SHISA6: variants seen among roughly 807,000 people sequenced by gnomAD.
SHISA6 encodes the protein protein shisa-6.
Under a neutral mutation model 47.9 loss-of-function variants are expected in SHISA6, and 22 were observed. The observed-to-expected ratio is 0.46, with a 90% confidence interval of 0.33 to 0.66. The LOEUF is 0.66. SHISA6 is among the 30% of genes least tolerant of loss of function. SHISA6 has a pLI of 0.02. For missense variants in SHISA6, 680 were observed against 764.6 expected (o/e 0.89, Z 1.30); for synonymous variants, 388 against 337.8 (o/e 1.15, Z -1.63).
At chr17:11,448,278 C>T (rs373844366) in intron 3 of SHISA6, among the ~76,000 whole-genome samples, 2 of 152,056 alleles carry the variant, frequency 1.3e-5, no homozygotes, top group African/African-American at 4.8e-5. Context: ...AGTCTGTAAT[C>T]CCAGAACTTT....
intron 3 of SHISA6, among the ~76,000 whole-genome samples, chr17:11,546,862 A>G (rs748240578): frequency 6.6e-6 from 1 of 151,994 alleles, no homozygotes; most frequent in Non-Finnish European, 1.5e-5. Context: ...CAGAGGTTGC[A>G]GTGAGCCAAG....
At chr17:11,387,743 G>C (rs1913243908) in intron 3 of SHISA6, among the ~76,000 whole-genome samples, 1 of 152,142 alleles carries the variant, frequency 6.6e-6, no homozygotes, top group African/African-American at 2.4e-5. Flanking sequence ...TAACGTGGGA[G>C]GCTGAACAAA....
At chr17:11,308,872 C>CG (rs1353685381) in intron 2 of SHISA6, among the ~76,000 whole-genome samples, 14 of 152,170 alleles carry the variant, frequency 9.2e-5, no homozygotes, top group Admixed American at 3.3e-4. Flanking sequence ...CAAATTAGTT[C>CG]GGTAAACCTG....
At chr17:11,518,880 C>T (rs1023702774) in intron 3 of SHISA6, among the ~76,000 whole-genome samples, 3 of 152,168 alleles carry the variant, frequency 2.0e-5, no homozygotes, top group African/African-American at 7.2e-5. Context: ...CTTTCAACTC[C>T]CAGCTGATGA....
intron 3 of SHISA6, among the ~76,000 whole-genome samples, chr17:11,483,356 A>G (rs1916268504): frequency 1.3e-5 from 2 of 152,148 alleles, no homozygotes; most frequent in Non-Finnish European, 2.9e-5. Flanking sequence ...TAATACAGAC[A>G]TAAGGACAAA....
intron 3 of SHISA6, among the ~76,000 whole-genome samples, chr17:11,449,259 C>T (rs774373844): frequency 1.3e-5 from 2 of 151,774 alleles, no homozygotes; most frequent in African/African-American, 4.8e-5. Flanking sequence ...CTGGGCAACA[C>T]GGTGAAACCT....
chr17:11,540,973 G>A (rs1286623133), intron 3 of SHISA6, among the ~76,000 whole-genome samples: 1 of 152,214 alleles, frequency 6.6e-6, no homozygotes, highest in Non-Finnish European at 1.5e-5. Flanking sequence ...TTCAGACAAT[G>A]ACGCATAATG....
chr17:11,380,912 C>A (rs1312338693), intron 3 of SHISA6, among the ~76,000 whole-genome samples: 1 of 152,188 alleles, frequency 6.6e-6, no homozygotes, highest in East Asian at 1.9e-4. Flanking sequence ...AGTGTCTTCA[C>A]TGCATGGTGC....
intron 3 of SHISA6, among the ~76,000 whole-genome samples, chr17:11,397,692 C>T (rs1259093266): frequency 4.7e-5 from 7 of 150,158 alleles, no homozygotes; most frequent in East Asian, 1.9e-4. Flanking sequence ...TTTTTTGAGA[C>T]GTCTGATGAC....
intron 2 of SHISA6, among the ~76,000 whole-genome samples, chr17:11,338,550 C>T (rs535455463): frequency 7.2e-5 from 11 of 151,956 alleles, no homozygotes; most frequent in Middle Eastern, 3.4e-3. Flanking sequence ...TACAGGCATG[C>T]GCCACCACAC....
At chr17:11,266,888 G>T (rs529021859) in intron 2 of SHISA6, among the ~76,000 whole-genome samples, 6 of 152,272 alleles carry the variant, frequency 3.9e-5, no homozygotes, top group Admixed American at 2.0e-4. Context: ...GCTTGGTCAG[G>T]GTTTTGGACA....
At chr17:11,511,850 T>C (rs17701028) in intron 3 of SHISA6, among the ~76,000 whole-genome samples, 9,204 of 152,208 alleles carry the variant, frequency 0.06, 304 homozygotes, top group Middle Eastern at 0.099. Flanking sequence ...GTCAGACACA[T>C]CTGACACATG....
chr17:11,268,295 T>C (rs1411316251), intron 2 of SHISA6, among the ~76,000 whole-genome samples: 1 of 152,082 alleles, frequency 6.6e-6, no homozygotes, highest in East Asian at 1.9e-4. Flanking sequence ...CTCTCTAAGC[T>C]TCATGGAGAC....
chr17:11,400,050 C>T (rs1351624831), intron 3 of SHISA6, among the ~76,000 whole-genome samples: 1 of 152,124 alleles, frequency 6.6e-6, no homozygotes, highest in Non-Finnish European at 1.5e-5. Context: ...ATCTTCTTTT[C>T]TACAGAGTTT....
rs59932718 is a variant in SHISA6, at chr17:11,550,937, T to TAAGGCCAAAGGCAGGAAAG, written c.896-953_896-935dup. Among the ~76,000 whole-genome samples, 650 of 152,220 alleles carry TAAGGCCAAAGGCAGGAAAG rather than the reference T, an allele frequency of 4.3e-3. 3 individuals carry two copies. The highest frequency in any genetic ancestry group is 0.015 in the African/African-American group (617 of 41,524). ...AGCTATGGAATGAGTAGCCAGAGTA[T>TAAGGCCAAAGGCAGGAAAG]AAGGCCAAAGGCAGGAAAGAAGGCT... On this transcript the variant is annotated intron_variant, in intron 3 of 5. Coordinates refer to ENST00000441885, the MANE Select transcript of SHISA6 (RefSeq NM_207386.4).
intron 3 of SHISA6, among the ~76,000 whole-genome samples, chr17:11,431,785 G>A (rs550190884): frequency 3.9e-5 from 6 of 152,158 alleles, no homozygotes; most frequent in Non-Finnish European, 7.4e-5. Flanking sequence ...GGTATTCTAA[G>A]TTAAAAACAC....
At chr17:11,443,204 C>T (rs372844199) in intron 3 of SHISA6, among the ~76,000 whole-genome samples, 3 of 152,038 alleles carry the variant, frequency 2.0e-5, no homozygotes, top group East Asian at 3.9e-4. Flanking sequence ...CTTTTTTTCT[C>T]GCAGCTGCCT....
chr17:11,416,457 T>C (rs1914285021), intron 3 of SHISA6, among the ~76,000 whole-genome samples: 1 of 152,176 alleles, frequency 6.6e-6, no homozygotes, highest in African/African-American at 2.4e-5. Flanking sequence ...CTCATAGTTG[T>C]TGGTCGAAAT....
At chr17:11,258,971 G>A (rs1360508790) in intron 1 of SHISA6, among the ~76,000 whole-genome samples, 1 of 152,086 alleles carries the variant, frequency 6.6e-6, no homozygotes, top group Non-Finnish European at 1.5e-5. Context: ...ATGAATGGAG[G>A]AATGGATGAA....
Sources: gnomAD v4.1 joint callset for allele counts (sites outside exome capture counted in the v4.1 genomes callset) on GRCh38, gnomAD v4.1.1 for gene constraint, MANE v1.5 for transcripts, NCBI Gene and HGNC (gene_info 2026-07-23, HGNC 2026-07-21) for gene names.